VIPR2: variants seen among roughly 807,000 people sequenced by gnomAD.
VIPR2 encodes the protein vasoactive intestinal peptide receptor 2, also known as vasoactive intestinal polypeptide receptor 2.
A neutral mutation model predicts 58.0 loss-of-function variants in VIPR2; 48 were observed. The ratio of observed to expected loss-of-function variants is 0.83; its 90% confidence interval spans 0.66 to 1.05. The LOEUF is 1.05. VIPR2 is among the 50% of genes least tolerant of loss of function. The pLI is 0.00. For synonymous variants in VIPR2, 243 were observed against 235.2 expected, an observed-to-expected ratio of 1.03 and a Z score of -0.30; for missense variants, 534 against 558.0, an observed-to-expected ratio of 0.96 and a Z score of 0.43.
intron 8 of VIPR2, among the ~76,000 whole-genome samples, chr7:159,035,218 T>C (rs941559081): frequency 6.6e-5 from 10 of 152,134 alleles, no homozygotes; most frequent in African/African-American, 9.7e-5. Context: ...AGAATCTCCA[T>C]TGCAGGCTTG....
chr7:159,084,163 T>A (rs1471383433), intron 4 of VIPR2, among the ~76,000 whole-genome samples: 1 of 152,202 alleles, frequency 6.6e-6, no homozygotes, highest in Non-Finnish European at 1.5e-5. Flanking sequence ...ACAGCTTCTG[T>A]CCGGTCCTTA....
intron 4 of VIPR2, among the ~76,000 whole-genome samples, chr7:159,065,269 G>C (rs1042347935): frequency 6.6e-6 from 1 of 152,126 alleles, no homozygotes; most frequent in Non-Finnish European, 1.5e-5. Flanking sequence ...CCCTCTGCCC[G>C]CCCATCTCCC....
At chr7:159,132,236 G>A (rs1190659262) in intron 2 of VIPR2, among the ~76,000 whole-genome samples, 38 of 144,006 alleles carry the variant, frequency 2.6e-4, no homozygotes, top group Non-Finnish European at 4.9e-4. Context: ...GTAACCAGGC[G>A]CGGGCAGCCC....
rs1412620761 is a variant in VIPR2, at chr7:159,133,060, C to T, written c.151+9386G>A. 2.2e-4 allele frequency among the ~76,000 whole-genome samples: 13 copies of T among 59,258 alleles called. 1 individual carries two copies. Among genetic ancestry groups the T allele is most frequent in the African/African-American group, 6.8e-4 (13 of 19,088 alleles). The allele number at this position is 59,258 out of a possible 152,430, so 38.9% of individuals were successfully genotyped here. A position where few individuals can be genotyped will look rare whatever the true frequency, so the allele number is the denominator to read the frequency against. ...AAATGCAGCCTCCCTAAAGGAATCT[C>T]TACAACACTCAAACAAAACGCTATT... On this transcript the variant is annotated intron_variant, in intron 2 of 12. Coordinates refer to ENST00000262178, the MANE Select transcript of VIPR2 (RefSeq NM_003382.5).
chr7:159,103,980 C>G (rs1473053452), intron 3 of VIPR2, 126 bp from the exon 4 acceptor site: 1 of 772,354 alleles, frequency 1.3e-6, no homozygotes. Flanking sequence ...AGCTAGGAGA[C>G]AGGACTGCCA....
In VIPR2 at chr7:159,032,003, C is replaced by A. The variant is rs747989359; in HGVS notation, c.1036G>T (p.Val346Leu). 6.2e-7 allele frequency: 1 copy of A among 1,614,058 alleles called. No homozygotes were observed. Among genetic ancestry groups the A allele is most frequent in the Non-Finnish European group, 8.5e-7 (1 of 1,180,054 alleles). Residue 346 changes from valine (V) to leucine (L), a missense_variant, in exon 11 of 13, where the codon GTG becomes TTG. Val to Leu is a conservative substitution (Grantham distance 32). Transcript: ENST00000262178. ...LFGVHYMVFA[V>L]FPISISSKYQ... ...TTGGAGGAGATGCTGATGGGAAACA[C>A]GGCAAACACCATGTAGTGGACGCCG...
chr7:159,044,956 G>A, intron 5 of VIPR2, among the ~76,000 whole-genome samples: 1 of 152,070 alleles, frequency 6.6e-6, no homozygotes, highest in East Asian at 1.9e-4. Context: ...AGTAGAGATG[G>A]GGTGGGGTTT....
intron 2 of VIPR2, chr7:159,116,843 A>G (rs1475640914): frequency 1.3e-5 from 2 of 156,778 alleles, no homozygotes; most frequent in Non-Finnish European, 2.8e-5. Context: ...CTGCAATCCT[A>G]CCGTATAAAA....
intron 4 of VIPR2, among the ~76,000 whole-genome samples, chr7:159,092,271 A>T (rs1364505237): frequency 2.6e-5 from 4 of 152,104 alleles, no homozygotes; most frequent in Non-Finnish European, 4.4e-5. Flanking sequence ...CGAATCTGAC[A>T]CTCATGAAGC....
chr7:159,134,047 T>G (rs1284530338), intron 2 of VIPR2, among the ~76,000 whole-genome samples: 1 of 152,232 alleles, frequency 6.6e-6, no homozygotes, highest in African/African-American at 2.4e-5. Context: ...TCTGAAATTA[T>G]ACTAAGTTAA....
At chr7:159,086,336 C>A (rs1857168193) in intron 4 of VIPR2, among the ~76,000 whole-genome samples, 1 of 152,176 alleles carries the variant, frequency 6.6e-6, no homozygotes, top group African/African-American at 2.4e-5. Context: ...CTATGAAAAT[C>A]AGACCGTGCT....
chr7:159,058,696 G>A, intron 4 of VIPR2, 118 bp from the exon 5 acceptor site: 1 of 746,648 alleles, frequency 1.3e-6, no homozygotes, highest in East Asian at 2.6e-5. Flanking sequence ...CTGCCTGGAA[G>A]GCACGAGATA....
At chr7:159,078,580 A>T (rs1856760863) in intron 4 of VIPR2, among the ~76,000 whole-genome samples, 1 of 152,210 alleles carries the variant, frequency 6.6e-6, no homozygotes, top group Non-Finnish European at 1.5e-5. Context: ...TGCCAACGAA[A>T]GTCTGCATTT....
chr7:159,129,447 TGGCGGGGACAGGGCCA>T (rs1796795902), intron 2 of VIPR2, among the ~76,000 whole-genome samples: 1 of 97,152 alleles, frequency 1.0e-5, no homozygotes, highest in African/African-American at 4.7e-5. Context: ...AACTGGCCTC[TGGCGGGGACAGGGCCA>T]GGTGACCAGC....
chr7:159,045,918 A>G (rs935435755), intron 5 of VIPR2, among the ~76,000 whole-genome samples: 5 of 150,552 alleles, frequency 3.3e-5, no homozygotes, highest in Admixed American at 6.6e-5. Context: ...TTACAACTCA[A>G]TGACAAAAAC....
intron 4 of VIPR2, among the ~76,000 whole-genome samples, chr7:159,078,412 T>A (rs1292233032): frequency 6.6e-6 from 1 of 152,210 alleles, no homozygotes; most frequent in South Asian, 2.1e-4. Flanking sequence ...GTTTATCTTG[T>A]CTTAGGTAAT....
chr7:159,101,358 C>T lies in VIPR2; in HGVS notation c.357+2399G>A, dbSNP rs564544956. Reference sequence around the variant, plus strand: ...CCCTGACTGTTCCTGTGGTAGTGAACGGGTCTCACGAGATCCGACGAGGCG... The same window carrying T: ...CCCTGACTGTTCCTGTGGTAGTGAATGGGTCTCACGAGATCCGACGAGGCG... On this transcript the variant is annotated intron_variant, in intron 4 of 12. Transcript: ENST00000262178. Among the ~76,000 whole-genome samples, 18 of 123,822 alleles carry T rather than the reference C, an allele frequency of 1.5e-4. No individual in the cohort carries two copies. The East Asian group carries it at 1.5e-3, about 10-fold the overall frequency. The allele number at this position is 123,822 out of a possible 152,430, so 81.2% of individuals were successfully genotyped here.
At chr7:159,041,279 G>A (rs1563264039) in intron 6 of VIPR2, among the ~76,000 whole-genome samples, 1 of 152,214 alleles carries the variant, frequency 6.6e-6, no homozygotes, top group East Asian at 1.9e-4. Flanking sequence ...TGCCTCGGAG[G>A]TTCTGGGCAC....
chr7:159,113,272 A>T (rs555327616), intron 2 of VIPR2, among the ~76,000 whole-genome samples: 10 of 152,088 alleles, frequency 6.6e-5, no homozygotes, highest in South Asian at 6.2e-4. Context: ...GTATAGAAAG[A>T]CACTGTGAAA....
Sources: allele counts gnomAD v4.1 joint callset (sites outside exome capture counted in the v4.1 genomes callset), GRCh38; gene constraint gnomAD v4.1.1; transcripts MANE v1.5; gene names NCBI Gene and HGNC (gene_info 2026-07-23, HGNC 2026-07-21).